The following BMPER variants were observed in gnomAD, a reference collection of about 807,000 sequenced individuals.
BMPER encodes BMP binding endothelial regulator, also known as BMP-binding endothelial regulator protein.
A neutral mutation model predicts 87.3 loss-of-function variants in BMPER; 45 were observed. The ratio of observed to expected loss-of-function variants is 0.52; its 90% CI spans 0.41 to 0.66. The LOEUF is 0.66. BMPER is among the 30% of genes least tolerant of loss of function. The pLI, the probability that BMPER is intolerant of heterozygous loss-of-function variation, is 0.00. For synonymous variants in BMPER, 326 were observed against 316.2 expected (o/e 1.03, Z -0.33); for missense variants, 784 against 867.5 (o/e 0.90, Z 1.21).
chr7:34,140,955 G>T (rs1177712220), intron 13 of BMPER, among the ~76,000 whole-genome samples: 3 of 152,148 alleles, frequency 2.0e-5, no homozygotes, highest in Non-Finnish European at 4.4e-5. Context: ...TACAGAAAGA[G>T]ACCCACCCCC....
intron 6 of BMPER, among the ~76,000 whole-genome samples, chr7:33,989,577 C>G (rs1786137613): frequency 6.6e-6 from 1 of 152,164 alleles, no homozygotes; most frequent in East Asian, 1.9e-4. Context: ...CCTGTTCACT[C>G]TGATGGTAGT....
At chr7:34,058,917 T>G (rs1470558780) in intron 10 of BMPER, among the ~76,000 whole-genome samples, 3 of 152,164 alleles carry the variant, frequency 2.0e-5, no homozygotes, top group Admixed American at 6.5e-5. Context: ...TTTATTCACA[T>G]CTGTTATTAT....
chr7:34,117,828 G>A (rs1236939376), intron 13 of BMPER, among the ~76,000 whole-genome samples: 1 of 152,168 alleles, frequency 6.6e-6, no homozygotes, highest in Non-Finnish European at 1.5e-5. Context: ...CTCTGTTAAT[G>A]TAATAAGCGC....
At chr7:34,114,351 G>A (rs573208911) in intron 13 of BMPER, among the ~76,000 whole-genome samples, 1 of 152,324 alleles carries the variant, frequency 6.6e-6, no homozygotes, top group South Asian at 2.1e-4. Context: ...TTGTATGTCT[G>A]TTCTTCGAAC....
At chr7:34,022,077 G>T (rs546582424) in intron 6 of BMPER, among the ~76,000 whole-genome samples, 30 of 152,076 alleles carry the variant, frequency 2.0e-4, no homozygotes, top group African/African-American at 7.2e-4. Flanking sequence ...GGCTTCTGGA[G>T]GCATCTTGGC....
At chr7:33,935,589 A>T in intron 2 of BMPER, among the ~76,000 whole-genome samples, 1 of 131,734 alleles carries the variant, frequency 7.6e-6, no homozygotes, top group Admixed American at 7.2e-5. Context: ...AAAGAGAGAA[A>T]GAGACAGAGA....
Position 33,926,424 on chromosome 7 carries a change from CT to C in BMPER, c.220-10862del, listed in dbSNP as rs781521356. Among the ~76,000 whole-genome samples, 11 of 152,256 alleles carry C rather than the reference CT, an allele frequency of 7.2e-5. No individual in the cohort carries two copies. In the East Asian group the frequency reaches 1.5e-3, roughly 21 times the overall value. On this transcript the variant is annotated intron_variant, in intron 2 of 14. Transcript: ENST00000649409. ...GGTTCTAATTATGGTTGATATTTTC[CT>C]TTAAAAAATGGGCACATGTTGTGAA...
At chr7:33,941,457 A>G (rs188437759) in intron 3 of BMPER, among the ~76,000 whole-genome samples, 30 of 151,882 alleles carry the variant, frequency 2.0e-4, no homozygotes, top group African/African-American at 7.0e-4. Flanking sequence ...CTTTGTTTCT[A>G]TTATTATTAC....
intron 6 of BMPER, among the ~76,000 whole-genome samples, chr7:34,000,670 G>A (rs1036200554): frequency 6.6e-6 from 1 of 152,032 alleles, no homozygotes; most frequent in Non-Finnish European, 1.5e-5. Flanking sequence ...ATTTGGGTGT[G>A]CATGATACTA....
At chr7:34,125,378 C>T (rs775047100) in intron 13 of BMPER, among the ~76,000 whole-genome samples, 1 of 152,174 alleles carries the variant, frequency 6.6e-6, no homozygotes, top group African/African-American at 2.4e-5. Flanking sequence ...CTCCCCATTT[C>T]CAACTCAGTT....
rs1379000591 is a variant in BMPER at position 33,934,071 on chromosome 7, T to A, written c.220-3218T>A. On this transcript the variant is annotated intron_variant, in intron 2 of 14. Coordinates refer to ENST00000649409, the MANE Select transcript of BMPER (RefSeq NM_001365308.1). ...AATGAGCCCTGAACTTGAGTCACAG[T>A]GGTGACACATAGTGCATGTGGGGAT... Among the ~76,000 whole-genome samples, 3 of 152,124 alleles carry A rather than the reference T, an allele frequency of 2.0e-5. No homozygotes were observed. In the East Asian group the frequency reaches 5.8e-4, roughly 29 times the overall value.
chr7:34,136,377 A>G (rs187990050), intron 13 of BMPER, among the ~76,000 whole-genome samples: 2 of 152,322 alleles, frequency 1.3e-5, no homozygotes, highest in African/African-American at 2.4e-5. Flanking sequence ...CATTGTTTTC[A>G]TAGGTATAAT....
chr7:33,986,594 G>A (rs1323236901), intron 6 of BMPER, among the ~76,000 whole-genome samples: 1 of 152,098 alleles, frequency 6.6e-6, no homozygotes, highest in Non-Finnish European at 1.5e-5. Context: ...ATCTGTAGAG[G>A]AAGAGGCTCC....
intron 10 of BMPER, among the ~76,000 whole-genome samples, chr7:34,059,853 A>G (rs1217046613): frequency 6.6e-6 from 1 of 151,798 alleles, no homozygotes; most frequent in Non-Finnish European, 1.5e-5. Flanking sequence ...TTGTGGAAGA[A>G]GGGTTTTATG....
intron 13 of BMPER, among the ~76,000 whole-genome samples, chr7:34,105,474 C>A (rs939814577): frequency 6.6e-6 from 1 of 152,158 alleles, no homozygotes; most frequent in African/African-American, 2.4e-5. Context: ...CACATTTATT[C>A]TTGGAAACCA....
At chr7:33,968,253 T>C (rs889240518) in intron 4 of BMPER, among the ~76,000 whole-genome samples, 1 of 152,152 alleles carries the variant, frequency 6.6e-6, no homozygotes, top group Non-Finnish European at 1.5e-5. Flanking sequence ...CTAGCTAGGA[T>C]AATATTTTAT....
chr7:34,130,446 A>G (rs1790554751), intron 13 of BMPER, among the ~76,000 whole-genome samples: 1 of 152,182 alleles, frequency 6.6e-6, no homozygotes, highest in South Asian at 2.1e-4. Flanking sequence ...AGTTAAATCC[A>G]TGGAATGCCT....
chr7:34,144,889 C>G (rs575901517), intron 14 of BMPER, among the ~76,000 whole-genome samples: 1 of 152,292 alleles, frequency 6.6e-6, no homozygotes, highest in Admixed American at 6.5e-5. Flanking sequence ...GCCACCCATG[C>G]CATTGCTGAC....
intron 6 of BMPER, among the ~76,000 whole-genome samples, chr7:34,029,726 CA>C (rs1281168299): frequency 6.6e-6 from 1 of 151,964 alleles, no homozygotes; most frequent in African/African-American, 2.4e-5. Context: ...GACTAAGGGG[CA>C]AAGTTTGCTA....
Sources: allele counts gnomAD v4.1 joint callset (sites outside exome capture counted in the v4.1 genomes callset), GRCh38; gene constraint gnomAD v4.1.1; transcripts MANE v1.5; gene names NCBI Gene and HGNC (gene_info 2026-07-23, HGNC 2026-07-21).